Variants in MAGI3 observed in about 807,000 individuals in gnomAD.
MAGI3 encodes the protein membrane associated guanylate kinase, WW and PDZ domain containing 3.
MAGI3 carries 43 observed loss-of-function variants against 121.8 expected under a neutral mutation model. The observed-to-expected ratio is 0.35, with a 90% confidence interval of 0.28 to 0.46. The LOEUF (loss-of-function observed/expected upper bound fraction) is 0.46, where lower values mean the gene tolerates loss of function less well. Ranked by LOEUF, MAGI3 falls within the 20% of genes least tolerant of loss-of-function variation. The pLI is 1.00. For missense variants in MAGI3, 1,547 were observed against 1,797.3 expected (o/e 0.86, Z 2.52); for synonymous variants, 553 against 639.3 (o/e 0.86, Z 2.04).
intron 16 of MAGI3, among the ~76,000 whole-genome samples, chr1:113,663,235 A>AATATATATATATAT (rs3081634): frequency 2.4e-4 from 35 of 144,062 alleles, no homozygotes; most frequent in South Asian, 2.2e-3. Flanking sequence ...CAAAAACAGA[A>AATATATATATATAT]ATATATATAT....
chr1:113,477,501 G>T (rs984520368), intron 1 of MAGI3, among the ~76,000 whole-genome samples: 1 of 152,144 alleles, frequency 6.6e-6, no homozygotes, highest in Non-Finnish European at 1.5e-5. Flanking sequence ...ATTTTGGCTG[G>T]ATATGAAATT....
At chr1:113,566,938 T>C (rs1262142447) in intron 2 of MAGI3, among the ~76,000 whole-genome samples, 4 of 146,428 alleles carry the variant, frequency 2.7e-5, no homozygotes, top group African/African-American at 5.0e-5. Flanking sequence ...TAATAAAGAC[T>C]AGAGCAGAGA....
chr1:113,493,217 A>G (rs1281740408), intron 1 of MAGI3, among the ~76,000 whole-genome samples: 2 of 152,220 alleles, frequency 1.3e-5, no homozygotes, highest in Non-Finnish European at 2.9e-5. Flanking sequence ...AATGGATTAG[A>G]GAACCCAGAA....
chr1:113,468,646 T>G (rs1655404165), intron 1 of MAGI3, among the ~76,000 whole-genome samples: 1 of 152,180 alleles, frequency 6.6e-6, no homozygotes, highest in Admixed American at 6.5e-5. Flanking sequence ...GTAAAACACA[T>G]GCTGAATTTC....
chr1:113,416,189 T>TA (rs368445172), intron 1 of MAGI3, among the ~76,000 whole-genome samples: 1 of 108,598 alleles, frequency 9.2e-6, no homozygotes, highest in Non-Finnish European at 1.9e-5. Flanking sequence ...CACATATTAA[T>TA]TATGTAATTA....
chr1:113,575,612 A>G (rs1462163457), intron 2 of MAGI3, among the ~76,000 whole-genome samples: 1 of 152,156 alleles, frequency 6.6e-6, no homozygotes, highest in Non-Finnish European at 1.5e-5. Flanking sequence ...GCTCTCCTGT[A>G]TGAGGTGTCT....
At chr1:113,650,614 C>T (rs1653105918) in intron 13 of MAGI3, among the ~76,000 whole-genome samples, 2 of 152,170 alleles carry the variant, frequency 1.3e-5, no homozygotes, top group African/African-American at 2.4e-5. Flanking sequence ...AGAATGATCC[C>T]AGTTGCTGTG....
intron 9 of MAGI3, among the ~76,000 whole-genome samples, chr1:113,638,831 C>A (rs1258945289): frequency 6.6e-6 from 1 of 152,260 alleles, no homozygotes; most frequent in African/African-American, 2.4e-5. Flanking sequence ...GCCCCGCCCC[C>A]AGAGGTGGAG....
At chr1:113,534,545 A>G (rs1487002073) in intron 1 of MAGI3, among the ~76,000 whole-genome samples, 1 of 151,934 alleles carries the variant, frequency 6.6e-6, no homozygotes, top group East Asian at 1.9e-4. Context: ...CCTACCAGTC[A>G]CAATTATTTT....
Position 113,399,818 on chromosome 1 carries a change from T to C in MAGI3, c.316+8469T>C, listed in dbSNP as rs1234430682. ...AAATATTATTAGCCTAGTTAAACAA[T>C]TACGTTTTTAAAACAATTTTATTCT... On this transcript the variant is annotated intron_variant, in intron 1 of 20. Transcript: ENST00000307546. Among the ~76,000 whole-genome samples, 4 of 152,276 alleles carry C rather than the reference T, an allele frequency of 2.6e-5. No homozygotes were observed. The East Asian group carries it at 7.7e-4, about 29-fold the overall frequency.
chr1:113,492,731 A>G (rs936804365), intron 1 of MAGI3, among the ~76,000 whole-genome samples: 14 of 152,146 alleles, frequency 9.2e-5, no homozygotes, highest in East Asian at 3.8e-4. Context: ...GTAAATATCA[A>G]TCTTTCTTAT....
chr1:113,400,409 G>A (rs555783604), intron 1 of MAGI3, among the ~76,000 whole-genome samples: 1 of 152,138 alleles, frequency 6.6e-6, no homozygotes, highest in Admixed American at 6.5e-5. Context: ...TTAAATGTTG[G>A]TAGATTATTG....
chr1:113,458,813 A>G (rs561574231), intron 1 of MAGI3, among the ~76,000 whole-genome samples: 16 of 152,214 alleles, frequency 1.1e-4, no homozygotes, highest in Non-Finnish European at 2.1e-4. Flanking sequence ...TTGGCCTCCC[A>G]AAGTGCAGAT....
At chr1:113,548,908 A>G (rs571269754) in intron 1 of MAGI3, among the ~76,000 whole-genome samples, 15 of 152,332 alleles carry the variant, frequency 9.8e-5, no homozygotes, top group Middle Eastern at 3.4e-3. Context: ...AGAACCGACA[A>G]AAGTTGCTAA....
intron 16 of MAGI3, among the ~76,000 whole-genome samples, chr1:113,668,644 G>C (rs1041352763): frequency 6.9e-6 from 1 of 145,744 alleles, no homozygotes; most frequent in Non-Finnish European, 1.5e-5. Context: ...CTGCAGTGGC[G>C]CAATCTCGGC....
chr1:113,549,328 T>C (rs1659668002), intron 1 of MAGI3, among the ~76,000 whole-genome samples, 187 bp from the exon 2 acceptor site: 1 of 152,230 alleles, frequency 6.6e-6, no homozygotes, highest in Non-Finnish European at 1.5e-5. Context: ...ATATTGCAGG[T>C]ACATATTTTA....
chr1:113,611,243 C>T (rs775610222), intron 6 of MAGI3, among the ~76,000 whole-genome samples: 6 of 151,886 alleles, frequency 4.0e-5, no homozygotes, highest in South Asian at 2.1e-4. Flanking sequence ...CCTACCACCA[C>T]GCCCAGCTAA....
At chr1:113,566,211 A>G (rs919270435) in intron 2 of MAGI3, among the ~76,000 whole-genome samples, 5 of 152,198 alleles carry the variant, frequency 3.3e-5, no homozygotes, top group African/African-American at 1.2e-4. Flanking sequence ...ACACTTAACC[A>G]TAATACCTAG....
intron 1 of MAGI3, among the ~76,000 whole-genome samples, chr1:113,428,069 A>T (rs982646943): frequency 1.3e-5 from 2 of 152,052 alleles, no homozygotes; most frequent in Non-Finnish European, 2.9e-5. Context: ...TCTCTGCTCT[A>T]ATGGCTTTTT....
Sources: gnomAD v4.1 joint callset for allele counts (sites outside exome capture counted in the v4.1 genomes callset) on GRCh38, gnomAD v4.1.1 for gene constraint, MANE v1.5 for transcripts, NCBI Gene and HGNC (gene_info 2026-07-23, HGNC 2026-07-21) for gene names.